The following TBK1 variants were observed in gnomAD, a reference collection of about 807,000 sequenced individuals.
TBK1 encodes the protein serine/threonine-protein kinase TBK1.
A neutral mutation model predicts 99.9 loss-of-function variants in TBK1; 37 were observed. That is an observed-to-expected ratio of 0.37 (90% CI 0.28 to 0.49). The LOEUF (loss-of-function observed/expected upper bound fraction) is 0.49, where lower values mean the gene tolerates loss of function less well. Among genes scored for constraint, TBK1 ranks in the 20% least tolerant of loss-of-function variants. TBK1 has a pLI of 0.98. For synonymous variants in TBK1, 258 were observed against 279.8 expected (o/e 0.92, Z 0.78); for missense variants, 644 against 872.5 (o/e 0.74, Z 3.30).
At chr12:64,482,453 A>G (rs2040777041) in intron 8 of TBK1, among the ~76,000 whole-genome samples, 2 of 152,200 alleles carry the variant, frequency 1.3e-5, no homozygotes, top group African/African-American at 4.8e-5. Flanking sequence ...ATTAACCATA[A>G]TAATGGTTAA....
At chr12:64,452,335 GC>G in intron 1 of TBK1, 148 bp downstream of exon 1, 1 of 152,718 alleles carries the variant, frequency 6.5e-6, no homozygotes, top group Non-Finnish European at 1.5e-5. Context: ...GCACCGAGAA[GC>G]CCCGGACGAC....
At chr12:64,495,451 CA>C (rs1565824033) in intron 13 of TBK1, 31 bp from the exon 14 acceptor site, 1 of 1,605,740 alleles carries the variant, frequency 6.2e-7, no homozygotes, top group Admixed American at 1.7e-5. Context: ...TGGCTTTTGG[CA>C]ATCTGGATCT....
chr12:64,489,347 T>G (rs2040847033), intron 12 of TBK1, among the ~76,000 whole-genome samples: 1 of 152,256 alleles, frequency 6.6e-6, no homozygotes, highest in South Asian at 2.1e-4. Flanking sequence ...AACTGCCCTC[T>G]TTCTAGAATA....
At chr12:64,495,250 G>T in intron 13 of TBK1, 1 of 362,968 alleles carries the variant, frequency 2.8e-6, no homozygotes, top group Non-Finnish European at 4.9e-6. Flanking sequence ...TTTACTGAAT[G>T]AACTGTTTTA....
At chr12:64,484,573 C>A in intron 9 of TBK1, 74 bp downstream of exon 9, 1 of 1,413,578 alleles carries the variant, frequency 7.1e-7, no homozygotes, top group South Asian at 1.4e-5. Flanking sequence ...CATAGTGAGA[C>A]CTTGTCTCTA....
Position 64,460,176 on chromosome 12 carries a change from CTCTT to C in TBK1, c.88-11_88-8del. 3 of 1,454,284 alleles carry C rather than the reference CTCTT, an allele frequency of 2.1e-6. No homozygotes were observed. The highest frequency in any genetic ancestry group is 2.8e-6 in the Non-Finnish European group (3 of 1,081,670). 90.1% of individuals were successfully genotyped at this position (1,454,284 alleles called of 1,614,324 possible). On this transcript the variant is annotated splice_polypyrimidine_tract_variant and intron_variant, in intron 2 of 20. Transcript: ENST00000331710. ...TTATGAATAAATAAAACATTTCTCTCTCTTTTTTAAAGAAAACTGGTGATTTATT... is the reference window on the plus strand; with the variant it reads ...TTATGAATAAATAAAACATTTCTCTCTTTTAAAGAAAACTGGTGATTTATT...
intron 1 of TBK1, 66 bp downstream of exon 1, chr12:64,452,253 C>A (rs1028947754): frequency 1.3e-5 from 2 of 152,104 alleles, no homozygotes; most frequent in Non-Finnish European, 2.9e-5. Context: ...AGGCCTGCGC[C>A]GCCCGGCGGG....
intron 4 of TBK1, 149 bp from the exon 5 acceptor site, chr12:64,466,750 ATT>A (rs1239940359): frequency 2.2e-5 from 7 of 311,380 alleles, no homozygotes; most frequent in Non-Finnish European, 3.9e-5. Flanking sequence ...ATATATATAT[ATT>A]TATTATCTAT....
At chr12:64,477,387 G>A (rs977923288) in intron 6 of TBK1, among the ~76,000 whole-genome samples, 3 of 152,146 alleles carry the variant, frequency 2.0e-5, no homozygotes, top group Non-Finnish European at 4.4e-5. Context: ...TCAGTTAAGT[G>A]TATTCCTAGG....
intron 5 of TBK1, 73 bp from the exon 6 acceptor site, chr12:64,474,157 T>C: frequency 2.9e-6 from 4 of 1,358,910 alleles, no homozygotes; most frequent in Non-Finnish European, 4.0e-6. Context: ...CTAAGCATTA[T>C]TGAGTATCCA....
At chr12:64,478,940 TA>T (rs2040740640) in intron 6 of TBK1, among the ~76,000 whole-genome samples, 1 of 152,240 alleles carries the variant, frequency 6.6e-6, no homozygotes, top group South Asian at 2.1e-4. Context: ...ATGTGACTCA[TA>T]AGCAGCTAGG....
intron 13 of TBK1, 117 bp from the exon 14 acceptor site, chr12:64,495,366 C>A (rs1286021155): frequency 3.2e-6 from 4 of 1,256,124 alleles, no homozygotes; most frequent in Non-Finnish European, 4.4e-6. Context: ...AATTACTGTG[C>A]CTTTGAATTG....
rs779326731 is a variant in TBK1 at position 64,484,410 on chromosome 12, CACA to C, written c.1104_1106del (p.Gln368del). 5 of 1,613,976 alleles carry C rather than the reference CACA, an allele frequency of 3.1e-6. No homozygotes were observed. In the African/African-American group the frequency reaches 6.7e-5, roughly 22 times the overall value. ...TTAGTCTTAGAACCTGGAAGGCTGG[CACA>C]ACATTTCCCTAAAACTACTGAGGAA... On this transcript the variant is annotated inframe_deletion, in exon 9 of 21. Transcript: ENST00000331710.
At chr12:64,484,237 A>G (rs1225373461) in intron 8 of TBK1, 66 bp from the exon 9 acceptor site, 1 of 1,027,402 alleles carries the variant, frequency 9.7e-7, no homozygotes, top group Non-Finnish European at 1.4e-6. Context: ...TGTTGCACTC[A>G]TTTAAAATAT....
At chr12:64,499,043 T>TTTTC (rs1226828821) in intron 20 of TBK1, among the ~76,000 whole-genome samples, 2 of 129,438 alleles carry the variant, frequency 1.5e-5, no homozygotes, top group African/African-American at 5.7e-5. Flanking sequence ...TATTCTTTTT[T>TTTTC]TTTTTTTTTT....
intron 4 of TBK1, among the ~76,000 whole-genome samples, 163 bp from the exon 5 acceptor site, chr12:64,466,738 T>A (rs887693492): frequency 3.3e-5 from 5 of 151,242 alleles, no homozygotes; most frequent in Middle Eastern, 3.5e-3. Context: ...ATAACATCTT[T>A]TATATATATA....
chr12:64,471,710 T>C (rs559036271), intron 5 of TBK1, among the ~76,000 whole-genome samples: 5 of 152,292 alleles, frequency 3.3e-5, no homozygotes, highest in Non-Finnish European at 5.9e-5. Flanking sequence ...CCTGAAAACC[T>C]TGGAGTAGCT....
chr12:64,485,152 A>T (rs1051705754), intron 9 of TBK1, among the ~76,000 whole-genome samples: 1 of 152,180 alleles, frequency 6.6e-6, no homozygotes, highest in Non-Finnish European at 1.5e-5. Context: ...TAGAAAAAAA[A>T]ATGGATCACC....
intron 2 of TBK1, among the ~76,000 whole-genome samples, 173 bp downstream of exon 2, chr12:64,456,130 C>T (rs2040485041): frequency 6.6e-6 from 1 of 152,196 alleles, no homozygotes; most frequent in African/African-American, 2.4e-5. Flanking sequence ...GTGAACATAT[C>T]TACCCAGTGG....
Sources: allele counts gnomAD v4.1 joint callset (sites outside exome capture counted in the v4.1 genomes callset), GRCh38; gene constraint gnomAD v4.1.1; transcripts MANE v1.5; gene names NCBI Gene and HGNC (gene_info 2026-07-23, HGNC 2026-07-21).